ABCA13: variants seen among roughly 807,000 people sequenced by gnomAD.
The protein encoded by ABCA13 is ATP binding cassette subfamily A member 13, also known as ATP-binding cassette sub-family A member 13.
ABCA13 carries 476 observed loss-of-function variants against 478.7 expected under a neutral mutation model. The ratio of observed to expected loss-of-function variants is 0.99; its 90% CI spans 0.92 to 1.07. The LOEUF (loss-of-function observed/expected upper bound fraction) is 1.07, where lower values mean the gene tolerates loss of function less well. ABCA13 is among the 50% of genes least tolerant of loss of function. The pLI is 0.00. For missense variants in ABCA13, 6,060 were observed against 5,910.6 expected, an observed-to-expected ratio of 1.03 and a Z score of -0.83; for synonymous variants, 2,252 against 2,158.9, an observed-to-expected ratio of 1.04 and a Z score of -1.20.
At chr7:48,326,943 T>C (rs763812092) in intron 27 of ABCA13, among the ~76,000 whole-genome samples, 14 of 152,302 alleles carry the variant, frequency 9.2e-5, no homozygotes, top group East Asian at 1.9e-4. Context: ...TGGATTCTGA[T>C]TGGATCTGGA....
At chr7:48,583,583 T>G (rs1025542754) in intron 56 of ABCA13, among the ~76,000 whole-genome samples, 1 of 152,194 alleles carries the variant, frequency 6.6e-6, no homozygotes, top group African/African-American at 2.4e-5. Context: ...CCCATTGAGA[T>G]TCATCCCAAA....
Position 48,507,984 on chromosome 7 carries a change from A to T in ABCA13, c.13459A>T (p.Arg4487Trp). 1 of 1,613,830 alleles carries T rather than the reference A, an allele frequency of 6.2e-7. No individual in the cohort carries two copies. The highest frequency in any genetic ancestry group is 8.5e-7 in the Non-Finnish European group (1 of 1,179,834). ...VVRDRVIGAK[R>W]LQHISGLGYR... ...GAGGGACAGGGTGATTGGAGCCAAA[A>T]GGTTGCAGCACATAAGTGGCCTTGG... The change falls in exon 50 of 62, where the codon AGG becomes TGG. Residue 4487 changes from arginine (R) to tryptophan (W), a missense_variant. Coordinates refer to ENST00000435803, the MANE Select transcript of ABCA13 (RefSeq NM_152701.5).
rs1418876668 is a variant in ABCA13 at position 48,515,931 on chromosome 7, C to T, written c.13641-794C>T. Among the ~76,000 whole-genome samples, 4 of 152,058 alleles carry T rather than the reference C, an allele frequency of 2.6e-5. No homozygotes were observed. In the South Asian group the frequency reaches 6.2e-4, roughly 24 times the overall value. Reference sequence around the variant, plus strand: ...GAGAAGAGAGGTTGGAGAAGTCAGCCGACTTTCTCCAGGCCACAGAGCCGA... The same window carrying T: ...GAGAAGAGAGGTTGGAGAAGTCAGCTGACTTTCTCCAGGCCACAGAGCCGA... On this transcript the variant is annotated intron_variant, in intron 51 of 61. Coordinates refer to ENST00000435803, the MANE Select transcript of ABCA13 (RefSeq NM_152701.5).
At position 48,610,559 on chromosome 7, in the gene ABCA13, G is replaced by T. The variant is rs1024071680; in HGVS notation, c.14745-4726G>T. 3.3e-5 allele frequency among the ~76,000 whole-genome samples: 5 copies of T among 152,198 alleles called. No homozygotes were observed. The East Asian group carries it at 9.6e-4, about 29-fold the overall frequency. On this transcript the variant is annotated intron_variant, in intron 58 of 61. Transcript: ENST00000435803. ...CTGCCCCAGTGGGGACTCTGTGTGG[G>T]TGCTCAAATCCCACATTTCTCTTCT...
At chr7:48,368,716 CACAT>C (rs1554475195) in intron 32 of ABCA13, among the ~76,000 whole-genome samples, 12 of 109,162 alleles carry the variant, frequency 1.1e-4, no homozygotes, top group African/African-American at 3.7e-4. Context: ...TATATATATA[CACAT>C]ACACACACAC....
intron 53 of ABCA13, 54 bp downstream of exon 53, chr7:48,520,348 G>A: frequency 6.6e-7 from 1 of 1,513,244 alleles, no homozygotes; most frequent in Non-Finnish European, 8.9e-7. Flanking sequence ...AAAATGAGAG[G>A]AAGAGAAAAA....
intron 5 of ABCA13, among the ~76,000 whole-genome samples, chr7:48,224,275 A>G (rs527528955): frequency 6.6e-6 from 1 of 152,282 alleles, no homozygotes; most frequent in East Asian, 1.9e-4. Context: ...TAACAACCCC[A>G]TTGCAACCCA....
In ABCA13 at chr7:48,295,862, A is replaced by G; in HGVS notation, c.9118A>G (p.Met3040Val). The stretch of plus-strand genomic sequence containing the variant: ...GGAGACGGTGCAGCAGCACTTGTAC[A>G]TGTATGCTCTGATATTCTTTCATGC... ...RLETVQQHLY[M>V]LAKSLEETWS... is the part of the protein sequence containing the mutation. The change falls in exon 21 of 62, where the codon ATG becomes GTG. Residue 3040 changes from methionine (M) to valine (V), a missense_variant and splice_region_variant. Met to Val is a conservative substitution (Grantham distance 21). This residue lies in a region of ABCA13 where 4,423 missense variants were observed against 4,309.1 expected (regional missense o/e 1.03). Transcript: ENST00000435803. 3.1e-6 allele frequency: 5 copies of G among 1,601,212 alleles called. No individual in the cohort carries two copies. The highest frequency in any genetic ancestry group is 4.3e-6 in the Non-Finnish European group (5 of 1,172,788).
chr7:48,603,935 A>G (rs1044322380), intron 58 of ABCA13: 1 of 151,880 alleles, frequency 6.6e-6, no homozygotes, highest in Non-Finnish European at 1.5e-5. Context: ...CAGGGATTTG[A>G]CTTCTTTCTG....
intron 48 of ABCA13, among the ~76,000 whole-genome samples, chr7:48,504,710 C>A (rs1425448638): frequency 6.6e-6 from 1 of 152,146 alleles, no homozygotes; most frequent in Non-Finnish European, 1.5e-5. Context: ...TGCAAATATA[C>A]TCCACAGCAC....
intron 40 of ABCA13, among the ~76,000 whole-genome samples, chr7:48,411,028 TTTCTTTC>T (rs924211892): frequency 2.6e-5 from 3 of 117,426 alleles, no homozygotes; most frequent in African/African-American, 9.5e-5. Context: ...TCTTTCTTTC[TTTCTTTC>T]TTTCTTTCTT....
chr7:48,554,760 T>C (rs12674424), intron 55 of ABCA13, among the ~76,000 whole-genome samples: 20,932 of 150,918 alleles, frequency 0.14, 1,824 homozygotes, highest in African/African-American at 0.23. Context: ...AAGATAATAT[T>C]ATCTGCAGCA....
At chr7:48,337,856 A>G (rs1435535936) in intron 28 of ABCA13, among the ~76,000 whole-genome samples, 1 of 152,222 alleles carries the variant, frequency 6.6e-6, no homozygotes, top group East Asian at 1.9e-4. Flanking sequence ...AAATGAGGCA[A>G]AGTCACAACC....
intron 43 of ABCA13, among the ~76,000 whole-genome samples, chr7:48,458,891 G>T (rs987228829): frequency 2.0e-5 from 3 of 152,198 alleles, no homozygotes; most frequent in Non-Finnish European, 4.4e-5. Context: ...AAAGATGCTT[G>T]TTTTGTAACC....
intron 34 of ABCA13, among the ~76,000 whole-genome samples, chr7:48,375,172 A>C (rs1813266355): frequency 6.6e-6 from 1 of 152,138 alleles, no homozygotes. Flanking sequence ...ATGCACAATA[A>C]ATGTAATGCA....
At chr7:48,178,772 G>C (rs1051899619) in intron 1 of ABCA13, among the ~76,000 whole-genome samples, 1 of 151,304 alleles carries the variant, frequency 6.6e-6, no homozygotes, top group East Asian at 1.9e-4. Context: ...AAAACTGACT[G>C]GATTTCAAAG....
At chr7:48,236,974 T>C (rs956243492) in intron 8 of ABCA13, among the ~76,000 whole-genome samples, 3 of 151,742 alleles carry the variant, frequency 2.0e-5, no homozygotes, top group Admixed American at 6.6e-5. Flanking sequence ...ACTGGAGTTA[T>C]TACTCAAATC....
rs373758866 is a variant in ABCA13, at chr7:48,276,261, T to C, written c.6595T>C (p.Ser2199Pro). The C allele has an allele frequency of 1.1e-5, 17 of 1,569,234 alleles. No individual in the cohort carries two copies. Among genetic ancestry groups the C allele is most frequent in the African/African-American group, 1.1e-4 (8 of 73,972 alleles). Residue 2199 changes from serine to proline, a missense_variant, in exon 17 of 62, where the codon TCA becomes CCA. This residue lies in a region of ABCA13 where 4,423 missense variants were observed against 4,309.1 expected (regional missense o/e 1.03). Transcript: ENST00000435803. ...AAATCAAGAACAGCTGACTAATTTC[T>C]CAGTTGTTCAGCTGCTTTTTGAAAA... ...LLNQEQLTNF[S>P]VVQLLFENIL...
In ABCA13 at chr7:48,276,556, C is replaced by T; in HGVS notation, c.6890C>T (p.Ala2297Val). The change falls in exon 17 of 62, where the codon GCA (alanine) becomes GTA (valine). Residue 2297 changes from alanine to valine, a missense_variant. Around this residue, in one of 3 missense-constraint regions of ABCA13, gnomAD observed 4,423 missense variants for 4,309.1 expected, o/e 1.03. Coordinates refer to ENST00000435803, the MANE Select transcript of ABCA13 (RefSeq NM_152701.5). ...AAATATTTCCACAAAGATGTTATTG[C>T]AGAGATGAGGTGAGTATACTTTTGC... ...LLKYFHKDVI[A>V]EMSFVPKDKI... 1 of 1,610,966 alleles carries T rather than the reference C, an allele frequency of 6.2e-7. No homozygotes were observed.
Sources: gnomAD v4.1 joint callset for allele counts (sites outside exome capture counted in the v4.1 genomes callset) on GRCh38, gnomAD v4.1.1 for gene constraint, gnomAD v4.1.1 regional missense constraint, MANE v1.5 for transcripts, NCBI Gene and HGNC (gene_info 2026-07-23, HGNC 2026-07-21) for gene names.